The following ZNF133 variants were observed in gnomAD, a reference collection of about 807,000 sequenced individuals.
The protein encoded by ZNF133 is zinc finger protein 133 (clone pHZ-13).
Under a neutral mutation model 54.9 loss-of-function variants are expected in ZNF133, and 26 were observed. That is an observed-to-expected ratio of 0.47 (90% CI 0.35 to 0.66). ZNF133 has a LOEUF of 0.66. ZNF133 is among the 30% of genes least tolerant of loss of function. The pLI is 0.01. For synonymous variants in ZNF133, 298 were observed against 320.3 expected (o/e 0.93, Z 0.74); for missense variants, 653 against 820.8 (o/e 0.80, Z 2.50).
chr20:18,308,782 T>C (rs2045227517), intron 6 of ZNF133, among the ~76,000 whole-genome samples: 1 of 152,226 alleles, frequency 6.6e-6, no homozygotes, highest in South Asian at 2.1e-4. Flanking sequence ...CTTTACTTAA[T>C]AACAGATAAA....
chr20:18,314,768 GTAAT>G (rs1316966040), intron 6 of ZNF133: 3 of 292,436 alleles, frequency 1.0e-5, no homozygotes, highest in Non-Finnish European at 1.9e-5. Flanking sequence ...GAGTTAGAAG[GTAAT>G]TAATTGTATT....
Position 18,298,054 on chromosome 20 carries a change from A to G in ZNF133, c.-362A>G, listed in dbSNP as rs756559987. 1.3e-6 allele frequency: 2 copies of G among 1,535,528 alleles called. No homozygotes were observed. Among genetic ancestry groups the G allele is most frequent in the South Asian group, 1.2e-5 (1 of 84,048 alleles). On this transcript the variant is annotated 5_prime_UTR_variant, in exon 2 of 7. Transcript: ENST00000425686. ...AAAAGCCACAGGGTCCCGGAGAGCC[A>G]GGGGAATGGTGAGTGTTTCCTGTCT...
chr20:18,289,047 C>T (rs1229522919), intron 1 of ZNF133, among the ~76,000 whole-genome samples: 1 of 152,082 alleles, frequency 6.6e-6, no homozygotes, highest in African/African-American at 2.4e-5. Context: ...CATGTGTCCC[C>T]GAGGCATTGG....
chr20:18,296,266 G>C (rs1378904654), intron 1 of ZNF133, among the ~76,000 whole-genome samples: 1 of 152,022 alleles, frequency 6.6e-6, no homozygotes, highest in East Asian at 1.9e-4. Context: ...TTTGAATGAT[G>C]ATTTTTGGCC....
chr20:18,294,121 A>G (rs62205463), intron 1 of ZNF133, among the ~76,000 whole-genome samples: 45,827 of 152,084 alleles, frequency 0.3, 7,338 homozygotes, highest in Non-Finnish European at 0.35. Context: ...AGCTCAGAAG[A>G]CACCCCCTTA....
chr20:18,307,692 A>G (rs962828115), intron 6 of ZNF133, among the ~76,000 whole-genome samples: 4 of 151,994 alleles, frequency 2.6e-5, no homozygotes, highest in Admixed American at 2.6e-4. Flanking sequence ...ATATTTTTAA[A>G]TCTTTTTTTT....
chr20:18,316,004 A>G lies in ZNF133; in HGVS notation c.1153A>G (p.Lys385Glu). 1 of 1,610,188 alleles carries G rather than the reference A, an allele frequency of 6.2e-7. No individual in the cohort carries two copies. Among genetic ancestry groups the G allele is most frequent in the Non-Finnish European group, 8.5e-7 (1 of 1,178,864 alleles). ...THSGEKPYAC[K>E]ECGRCFRQRT... Reference sequence around the variant, plus strand: ...CTCTGGGGAGAAGCCCTACGCCTGCAAGGAGTGTGGGCGATGCTTCAGGCA... The same window carrying G: ...CTCTGGGGAGAAGCCCTACGCCTGCGAGGAGTGTGGGCGATGCTTCAGGCA... The change falls in exon 7 of 7, where the codon AAG becomes GAG. Residue 385 changes from lysine to glutamate, a missense_variant. Coordinates refer to ENST00000425686, the MANE Select transcript of ZNF133 (RefSeq NM_001352452.2).
chr20:18,295,023 G>A (rs1301037524), intron 1 of ZNF133: 2 of 152,194 alleles, frequency 1.3e-5, no homozygotes, highest in Non-Finnish European at 2.9e-5. Flanking sequence ...CTTTGGGACA[G>A]TATTTGGAGC....
Position 18,316,895 on chromosome 20 carries a change from G to C in ZNF133, c.*79G>C. On this transcript the variant is annotated 3_prime_UTR_variant, in exon 7 of 7. Transcript: ENST00000425686. ...TGGAGTAGAGAAATGCATTCTGTAA[G>C]TGGTCAAAGGACATTTGACTGTTTA... 6.8e-7 allele frequency: 1 copy of C among 1,469,468 alleles called. No individual in the cohort carries two copies. The highest frequency in any genetic ancestry group is 9.1e-7 in the Non-Finnish European group (1 of 1,101,190). 91.0% of individuals were successfully genotyped at this position (1,469,468 alleles called of 1,614,324 possible).
chr20:18,289,297 G>A (rs1568712702), intron 1 of ZNF133, among the ~76,000 whole-genome samples: 1 of 152,164 alleles, frequency 6.6e-6, no homozygotes, highest in Admixed American at 6.5e-5. Context: ...GTCATTGATC[G>A]CAAGAATTAC....
intron 6 of ZNF133, among the ~76,000 whole-genome samples, chr20:18,307,573 C>T (rs1466575756): frequency 1.3e-5 from 2 of 152,190 alleles, no homozygotes; most frequent in Non-Finnish European, 1.5e-5. Flanking sequence ...TAAGTACATT[C>T]TTCCTTTACA....
At chr20:18,301,696 CAA>C (rs144601189) in intron 3 of ZNF133, among the ~76,000 whole-genome samples, 3,937 of 152,194 alleles carry the variant, frequency 0.026, 193 homozygotes, top group African/African-American at 0.091. Context: ...CAAAACCTAT[CAA>C]GACTGAATCA....
intron 1 of ZNF133, among the ~76,000 whole-genome samples, chr20:18,295,731 G>A (rs770766650): frequency 2.0e-5 from 3 of 151,976 alleles, no homozygotes; most frequent in Admixed American, 6.6e-5. Flanking sequence ...AGTCAGGCTC[G>A]CTGCAGCCTC....
At chr20:18,315,046 G>T (rs745973847) in intron 6 of ZNF133, 23 bp from the exon 7 acceptor site, 7 of 1,517,406 alleles carry the variant, frequency 4.6e-6, no homozygotes, top group East Asian at 2.3e-5. Context: ...ACTCAGTTGT[G>T]ACTCACACTT....
At chr20:18,311,720 A>C (rs1214216024) in intron 6 of ZNF133, among the ~76,000 whole-genome samples, 1 of 152,192 alleles carries the variant, frequency 6.6e-6, no homozygotes, top group African/African-American at 2.4e-5. Context: ...TGATTTCCTA[A>C]CAGAGATCTT....
At chr20:18,302,143 G>A (rs2043494146) in intron 3 of ZNF133, among the ~76,000 whole-genome samples, 1 of 152,178 alleles carries the variant, frequency 6.6e-6, no homozygotes, top group South Asian at 2.1e-4. Flanking sequence ...GCTCATGCCT[G>A]TAATCCCAGC....
At position 18,292,682 on chromosome 20, in the gene ZNF133, A is replaced by C. The variant is rs577867559; in HGVS notation, c.-432+4078A>C. Among the ~76,000 whole-genome samples, 7 of 152,196 alleles carry C rather than the reference A, an allele frequency of 4.6e-5. No homozygotes were observed. In the South Asian group the frequency reaches 1.0e-3, roughly 23 times the overall value. On this transcript the variant is annotated intron_variant, in intron 1 of 6. Coordinates refer to ENST00000425686, the MANE Select transcript of ZNF133 (RefSeq NM_001352452.2). ...TTCTGATACAGTGTGTATTTTATTT[A>C]TTCATGTAATTGGCCCATCTTTCTC... is the stretch of plus-strand genomic sequence containing the variant.
Position 18,305,251 on chromosome 20 carries a change from C to G in ZNF133, c.-7+73C>G. ...CAGGCACCATGATTCCAGGGCTTCA[C>G]TACTCTCTGCTTGTGACCATCAGGC... On this transcript the variant is annotated intron_variant, in intron 4 of 6. Transcript: ENST00000425686. The surrounding 1 kb of genome is among the most constrained non-coding windows in gnomAD (Gnocchi z 4.7). The G allele has an allele frequency of 1.0e-6, 1 of 965,068 alleles. No homozygotes were observed. The highest frequency in any genetic ancestry group is 1.2e-6 in the Non-Finnish European group (1 of 808,708). The allele number at this position is 965,068 out of a possible 1,614,324, so 59.8% of individuals were successfully genotyped here.
chr20:18,297,292 C>A (rs921318928), intron 1 of ZNF133, among the ~76,000 whole-genome samples: 2 of 151,970 alleles, frequency 1.3e-5, no homozygotes, highest in Non-Finnish European at 2.9e-5. Context: ...CCTTGAGTGT[C>A]TTATAAGTTT....
Sources: allele counts gnomAD v4.1 joint callset (sites outside exome capture counted in the v4.1 genomes callset), GRCh38; gene constraint gnomAD v4.1.1; non-coding constraint Gnocchi (gnomAD v3.1); transcripts MANE v1.5; gene names NCBI Gene and HGNC (gene_info 2026-07-23, HGNC 2026-07-21).